Variants in FBXO40 observed in about 807,000 individuals in gnomAD.
FBXO40 encodes the protein F-box protein 40, also known as F-box only protein 40.
FBXO40 carries 50 observed loss-of-function variants against 49.9 expected under a neutral mutation model. The ratio of observed to expected loss-of-function variants is 1.00; its 90% CI spans 0.80 to 1.27. FBXO40 has a LOEUF of 1.27. FBXO40 is among the 50% of genes most tolerant of loss of function. FBXO40 has a pLI of 0.00. For synonymous variants in FBXO40, 340 were observed against 320.2 expected (o/e 1.06, Z -0.66); for missense variants, 895 against 870.1 (o/e 1.03, Z -0.36).
At chr3:121,614,835 A>G (rs2048988198) in intron 1 of FBXO40, among the ~76,000 whole-genome samples, 1 of 152,314 alleles carries the variant, frequency 6.6e-6, no homozygotes, top group South Asian at 2.1e-4. Context: ...ATACAAGGAC[A>G]CCAGAAGGAT....
intron 1 of FBXO40, among the ~76,000 whole-genome samples, chr3:121,612,619 A>G (rs1304337300): frequency 2.0e-5 from 3 of 152,046 alleles, no homozygotes; most frequent in African/African-American, 4.8e-5. Flanking sequence ...TATCCTGACT[A>G]ACCATTAGGA....
chr3:121,603,455 A>G (rs1012936691), intron 1 of FBXO40, among the ~76,000 whole-genome samples: 17 of 152,238 alleles, frequency 1.1e-4, no homozygotes, highest in Non-Finnish European at 2.5e-4. Context: ...ATCGATGACC[A>G]TCAATCCTTT....
Position 121,594,719 on chromosome 3 carries a change from C to T in FBXO40, c.-31+1217C>T, listed in dbSNP as rs1479579499. ...AATATTCTCTAAGTGTGGCCCTCTT[C>T]TCCCCAGCTCTCTTGAGTCCAAAAT... is the stretch of plus-strand genomic sequence containing the variant. On this transcript the variant is annotated intron_variant, in intron 1 of 3. Coordinates refer to ENST00000338040, the MANE Select transcript of FBXO40 (RefSeq NM_016298.4). 3.9e-5 allele frequency among the ~76,000 whole-genome samples: 6 copies of T among 152,146 alleles called. No individual in the cohort carries two copies. The South Asian group carries it at 1.0e-3, about 26-fold the overall frequency.
chr3:121,622,359 T>A lies in FBXO40; in HGVS notation c.930T>A (p.Tyr310Ter), dbSNP rs367946510. The part of the protein sequence containing the change: ...TAVDAKDYNM[Y>*]LVHNGRMLIH... ...TGGATGCAAAGGACTATAACATGTA[T>A]CTAGTGCACAATGGGCGGATGCTGA... Residue 310 changes from tyrosine (Y) to a stop codon, truncating the protein, a stop_gained, in exon 3 of 4, where the codon TAT (tyrosine) becomes TAA (stop). Coordinates refer to ENST00000338040, the MANE Select transcript of FBXO40 (RefSeq NM_016298.4). LOFTEE classifies it high-confidence loss of function. 1.9e-6 allele frequency: 3 copies of A among 1,614,180 alleles called. No individual in the cohort carries two copies. In the South Asian group the frequency reaches 3.3e-5, roughly 18 times the overall value.
chr3:121,624,573 C>T (rs138123914), intron 3 of FBXO40, among the ~76,000 whole-genome samples: 10 of 152,230 alleles, frequency 6.6e-5, no homozygotes, highest in Admixed American at 5.2e-4. Flanking sequence ...GTGGGGCTAA[C>T]GTAAATGGAG....
chr3:121,618,650 C>T (rs921028834), intron 1 of FBXO40, among the ~76,000 whole-genome samples: 4 of 151,698 alleles, frequency 2.6e-5, no homozygotes, highest in Non-Finnish European at 2.9e-5. Context: ...CCCGCTTGGG[C>T]CTCCCAAAGT....
At position 121,627,478 on chromosome 3, in the gene FBXO40, T is replaced by G. The variant is rs1212880385; in HGVS notation, c.*568T>G. 1 of 178,856 alleles carries G rather than the reference T, an allele frequency of 5.6e-6. No homozygotes were observed. Among genetic ancestry groups the G allele is most frequent in the Non-Finnish European group, 1.2e-5 (1 of 86,262 alleles). 11.1% of individuals were successfully genotyped at this position (178,856 alleles called of 1,614,324 possible). On this transcript the variant is annotated 3_prime_UTR_variant, in exon 4 of 4. Coordinates refer to ENST00000338040, the MANE Select transcript of FBXO40 (RefSeq NM_016298.4). ...AGGGTAGTCCTAACACAGCCTGACATAGGAGAGCCCCTGGCTGAGCATGGC... is the reference window on the plus strand; with the variant it reads ...AGGGTAGTCCTAACACAGCCTGACAGAGGAGAGCCCCTGGCTGAGCATGGC...
chr3:121,614,042 G>A (rs1454686804), intron 1 of FBXO40, among the ~76,000 whole-genome samples: 1 of 152,102 alleles, frequency 6.6e-6, no homozygotes, highest in Non-Finnish European at 1.5e-5. Flanking sequence ...GCCGAGGTGG[G>A]CAGATCACAA....
In FBXO40 at chr3:121,626,987, T is replaced by C; in HGVS notation, c.*77T>C. 7.2e-7 allele frequency: 1 copy of C among 1,389,990 alleles called. No individual in the cohort carries two copies. 86.1% of individuals were successfully genotyped at this position (1,389,990 alleles called of 1,614,324 possible). A position where few individuals can be genotyped will look rare whatever the true frequency, so the allele number is the denominator to read the frequency against. On this transcript the variant is annotated 3_prime_UTR_variant, in exon 4 of 4. Coordinates refer to ENST00000338040, the MANE Select transcript of FBXO40 (RefSeq NM_016298.4). ...TGAAGTAGGACAGAGTGTGTGGTTT[T>C]GAGGACTCCCTTCTGTAAACTGCCT...
chr3:121,619,772 C>T (rs2049020157), intron 1 of FBXO40, among the ~76,000 whole-genome samples: 1 of 152,174 alleles, frequency 6.6e-6, no homozygotes, highest in African/African-American at 2.4e-5. Flanking sequence ...GTCTCACAGC[C>T]ACTGACTTGT....
At chr3:121,601,344 CT>C (rs1423524907) in intron 1 of FBXO40, among the ~76,000 whole-genome samples, 1 of 152,058 alleles carries the variant, frequency 6.6e-6, no homozygotes, top group Non-Finnish European at 1.5e-5. Context: ...TGTACATGTC[CT>C]CTCTCAAAGT....
chr3:121,604,625 G>A (rs2048921373), intron 1 of FBXO40, among the ~76,000 whole-genome samples: 1 of 152,200 alleles, frequency 6.6e-6, no homozygotes, highest in African/African-American at 2.4e-5. Flanking sequence ...TATTGTCTGA[G>A]TTATTTGGGA....
chr3:121,620,520 T>G, intron 1 of FBXO40, 26 bp from the exon 2 acceptor site: 1 of 1,608,078 alleles, frequency 6.2e-7, no homozygotes, highest in Non-Finnish European at 8.5e-7. Flanking sequence ...TTCTTACTAA[T>G]TATTTATATT....
Position 121,615,344 on chromosome 3 carries a change from G to A in FBXO40, c.-30-5202G>A, listed in dbSNP as rs1017122196. 1.1e-4 allele frequency among the ~76,000 whole-genome samples: 17 copies of A among 152,130 alleles called. No homozygotes were observed. In the South Asian group the frequency reaches 1.2e-3, roughly 11 times the overall value. On this transcript the variant is annotated intron_variant, in intron 1 of 3. Coordinates refer to ENST00000338040, the MANE Select transcript of FBXO40 (RefSeq NM_016298.4). ...ACCCGAGGCAGGCAGATTCCTTGAG[G>A]TCAGGAGTTTGGAACAAGCCTGGAC...
intron 1 of FBXO40, among the ~76,000 whole-genome samples, chr3:121,605,428 C>A (rs1282330348): frequency 2.0e-5 from 3 of 152,156 alleles, no homozygotes; most frequent in Non-Finnish European, 4.4e-5. Context: ...CCATTTGTTG[C>A]AGGACTATGG....
At chr3:121,608,177 T>C (rs2048941987) in intron 1 of FBXO40, among the ~76,000 whole-genome samples, 1 of 152,190 alleles carries the variant, frequency 6.6e-6, no homozygotes, top group African/African-American at 2.4e-5. Context: ...ATCATCAAAA[T>C]GTGCTCTGCA....
intron 1 of FBXO40, among the ~76,000 whole-genome samples, chr3:121,618,181 A>G (rs2049008757): frequency 1.3e-5 from 2 of 152,058 alleles, no homozygotes; most frequent in Admixed American, 1.3e-4. Context: ...AAATAAAAAT[A>G]TTAAAAATTT....
intron 1 of FBXO40, among the ~76,000 whole-genome samples, chr3:121,595,183 A>G (rs899292851): frequency 6.6e-6 from 1 of 152,138 alleles, no homozygotes; most frequent in Non-Finnish European, 1.5e-5. Context: ...TAACCTCCAT[A>G]TGTACCCCAA....
chr3:121,607,884 A>G (rs532820826), intron 1 of FBXO40, among the ~76,000 whole-genome samples: 1 of 152,192 alleles, frequency 6.6e-6, no homozygotes, highest in African/African-American at 2.4e-5. Context: ...AATAAATAAG[A>G]TATCAACTGA....
Sources: gnomAD v4.1 joint callset for allele counts (sites outside exome capture counted in the v4.1 genomes callset) on GRCh38, gnomAD v4.1.1 for gene constraint, MANE v1.5 for transcripts, NCBI Gene and HGNC (gene_info 2026-07-23, HGNC 2026-07-21) for gene names.